Variants in KDM1B observed in about 807,000 individuals in gnomAD.
KDM1B encodes lysine demethylase 1B.
A neutral mutation model predicts 107.4 loss-of-function variants in KDM1B; 63 were observed. The ratio of observed to expected loss-of-function variants is 0.59; its 90% CI spans 0.48 to 0.72. The LOEUF (loss-of-function observed/expected upper bound fraction) is 0.72, where lower values mean the gene tolerates loss of function less well. Among genes scored for constraint, KDM1B ranks in the 30% least tolerant of loss-of-function variants. The pLI, the probability that KDM1B is intolerant of heterozygous loss-of-function variation, is 0.00. For synonymous variants in KDM1B, 363 were observed against 363.9 expected, an observed-to-expected ratio of 1.00 and a Z score of 0.03; for missense variants, 749 against 1,020.8, an observed-to-expected ratio of 0.73 and a Z score of 3.63.
chr6:18,208,111 T>C, intron 16 of KDM1B, 21 bp from the exon 17 acceptor site: 12 of 1,599,424 alleles, frequency 7.5e-6, no homozygotes, highest in Non-Finnish European at 1.0e-5. Flanking sequence ...TCACTTTTTT[T>C]CATAATTGCT....
At chr6:18,157,827 T>G (rs1428748231) in intron 2 of KDM1B, among the ~76,000 whole-genome samples, 1 of 146,452 alleles carries the variant, frequency 6.8e-6, no homozygotes, top group African/African-American at 2.6e-5. Context: ...TTTTTTTTTT[T>G]TTTGAGATGG....
rs756311295 is a variant in KDM1B, at chr6:18,222,165, C to CA, written c.*179dup. On this transcript the variant is annotated 3_prime_UTR_variant, in exon 22 of 22. Coordinates refer to ENST00000650836, the MANE Select transcript of KDM1B (RefSeq NM_001364614.2). ...TTCATCACTCTAAAAGCACTGACCT[C>CA]AAAAAACCTTATAAGCACTTAGATT... 1 of 712,964 alleles carries CA rather than the reference C, an allele frequency of 1.4e-6. No homozygotes were observed. Among genetic ancestry groups the CA allele is most frequent in the Admixed American group, 2.0e-5 (1 of 49,798 alleles). 44.2% of individuals were successfully genotyped at this position (712,964 alleles called of 1,614,324 possible).
chr6:18,165,630 C>T (rs964538000), intron 5 of KDM1B, among the ~76,000 whole-genome samples: 4 of 152,032 alleles, frequency 2.6e-5, no homozygotes, highest in African/African-American at 7.2e-5. Flanking sequence ...CGGGACCAGC[C>T]TGGCCAACAT....
chr6:18,206,581 G>T (rs1400839317), intron 15 of KDM1B, among the ~76,000 whole-genome samples: 1 of 152,060 alleles, frequency 6.6e-6, no homozygotes, highest in Non-Finnish European at 1.5e-5. Flanking sequence ...TCAGATCAGG[G>T]TCTCTTATGT....
intron 10 of KDM1B, among the ~76,000 whole-genome samples, chr6:18,195,238 G>T (rs1054714114): frequency 6.6e-6 from 1 of 152,122 alleles, no homozygotes; most frequent in Non-Finnish European, 1.5e-5. Flanking sequence ...TACTGCTGCT[G>T]TGAACATTTT....
intron 10 of KDM1B, among the ~76,000 whole-genome samples, chr6:18,196,651 A>T (rs971704032): frequency 6.6e-6 from 1 of 152,148 alleles, no homozygotes; most frequent in African/African-American, 2.4e-5. Context: ...AAAAAAATGG[A>T]TGGTGGCATC....
chr6:18,184,273 C>CTTTTTTTTTTT (rs1163110910), intron 7 of KDM1B, among the ~76,000 whole-genome samples: 4 of 116,672 alleles, frequency 3.4e-5, no homozygotes, highest in Admixed American at 9.9e-5. Context: ...GTTCTAGCTT[C>CTTTTTTTTTTT]TTTTTTTTTT....
intron 7 of KDM1B, among the ~76,000 whole-genome samples, chr6:18,179,861 T>C (rs1215192210): frequency 7.7e-5 from 10 of 129,472 alleles, no homozygotes; most frequent in African/African-American, 2.3e-4. Flanking sequence ...TTTTTTTTTT[T>C]TTTTTTTTTT....
chr6:18,166,355 G>A lies in KDM1B; in HGVS notation c.394G>A (p.Ala132Thr). 6.2e-7 allele frequency: 1 copy of A among 1,610,612 alleles called. No homozygotes were observed. The highest frequency in any genetic ancestry group is 8.5e-7 in the Non-Finnish European group (1 of 1,176,792). ...CGAACCTAGTCCCAAAGCTTTCATGGCAGACCAGCAACTCCCCTACTGGGT... is the reference window on the plus strand; with the variant it reads ...CGAACCTAGTCCCAAAGCTTTCATGACAGACCAGCAACTCCCCTACTGGGT... ...KTEPSPKAFM[A>T]DQQLPYWVQC... is the part of the protein sequence containing the mutation. Residue 132 changes from alanine to threonine, a missense_variant, in exon 6 of 22, where the codon GCA becomes ACA. Transcript: ENST00000650836.
In KDM1B at chr6:18,191,026, ATACTT is replaced by A. The variant is rs1459201778; in HGVS notation, c.785-170_785-166del. On this transcript the variant is annotated intron_variant, in intron 9 of 21. Transcript: ENST00000650836. This position sits in a 1 kb window ranked among gnomAD's most constrained non-coding sequence, Gnocchi z 5.1. ...ATAGCATGAAGAAAGAATGAGAAAA[ATACTT>A]AATTTATGTACGTTTTGTCTAACTG... Among the ~76,000 whole-genome samples the A allele has an allele frequency of 6.6e-6, 1 of 152,190 alleles. No homozygotes were observed. Among genetic ancestry groups the A allele is most frequent in the African/African-American group, 2.4e-5 (1 of 41,456 alleles).
rs543176811 is a variant in KDM1B, at chr6:18,172,119, G to A, written c.534+640G>A. On this transcript the variant is annotated intron_variant, in intron 7 of 21. Coordinates refer to ENST00000650836, the MANE Select transcript of KDM1B (RefSeq NM_001364614.2). The surrounding 1 kb of genome is among the most constrained non-coding windows in gnomAD (Gnocchi z 5.2). ...GGATGTTGCAACACTAAACAAAGCC[G>A]GATCCTATTAGTGAGGAAGAAAAGA... 5.9e-5 allele frequency among the ~76,000 whole-genome samples: 9 copies of A among 152,250 alleles called. No individual in the cohort carries two copies. In the East Asian group the frequency reaches 7.7e-4, roughly 13 times the overall value.
chr6:18,205,561 C>T lies in KDM1B; in HGVS notation c.1556C>T (p.Ala519Val). ...LGEKIEEIYK[A>V]FIKESGIQFS... ...GAAAAGATAGAAGAAATCTACAAGG[C>T]ATTTATTAAGGAATCTGGTATCCAA... The change falls in exon 15 of 22, where the codon GCA (alanine) becomes GTA (valine). Residue 519 changes from alanine (A) to valine (V), a missense_variant. Coordinates refer to ENST00000650836, the MANE Select transcript of KDM1B (RefSeq NM_001364614.2). The surrounding 1 kb of genome is among the most constrained non-coding windows in gnomAD (Gnocchi z 5.7). The T allele has an allele frequency of 6.5e-7, 1 of 1,546,880 alleles. No individual in the cohort carries two copies. The highest frequency in any genetic ancestry group is 8.7e-7 in the Non-Finnish European group (1 of 1,144,992).
intron 6 of KDM1B, among the ~76,000 whole-genome samples, chr6:18,166,632 G>A (rs974483544): frequency 3.9e-5 from 6 of 151,964 alleles, no homozygotes; most frequent in African/African-American, 7.2e-5. Context: ...ACTGCTTTGC[G>A]CCCAGCCTGG....
rs1021049497 is a variant in KDM1B at position 18,213,320 on chromosome 6, C to T, written c.1984-336C>T. On this transcript the variant is annotated intron_variant, in intron 18 of 21. Coordinates refer to ENST00000650836, the MANE Select transcript of KDM1B (RefSeq NM_001364614.2). The surrounding 1 kb of genome is among the most constrained non-coding windows in gnomAD (Gnocchi z 5.9). Reference sequence around the variant, plus strand: ...GCGTGGTGGTGTGCACCTGTAATCCCAGCTACTTGGGATGCTGAGGCAGGA... The same window carrying T: ...GCGTGGTGGTGTGCACCTGTAATCCTAGCTACTTGGGATGCTGAGGCAGGA... Among the ~76,000 whole-genome samples, 25 of 151,894 alleles carry T rather than the reference C, an allele frequency of 1.6e-4. No individual in the cohort carries two copies. The highest frequency in any genetic ancestry group is 1.5e-5 in the Non-Finnish European group (1 of 67,986).
chr6:18,158,515 C>T (rs1366737539), intron 2 of KDM1B, among the ~76,000 whole-genome samples: 4 of 152,152 alleles, frequency 2.6e-5, no homozygotes, highest in Non-Finnish European at 5.9e-5. Flanking sequence ...TAAAGCTTTT[C>T]TCCAAGACTA....
intron 8 of KDM1B, among the ~76,000 whole-genome samples, chr6:18,187,394 T>G (rs1489422812): frequency 6.6e-6 from 1 of 152,208 alleles, no homozygotes; most frequent in Non-Finnish European, 1.5e-5. Flanking sequence ...CTTGAGGTCC[T>G]AAGTTAAAGG....
At chr6:18,198,087 G>A (rs11757106) in intron 12 of KDM1B, among the ~76,000 whole-genome samples, 1,664 of 152,036 alleles carry the variant, frequency 0.011, 15 homozygotes, top group Non-Finnish European at 0.016. Flanking sequence ...AGTAGAGTGG[G>A]GTTTCACCGT....
At chr6:18,178,963 A>G (rs1259252388) in intron 7 of KDM1B, among the ~76,000 whole-genome samples, 1 of 152,206 alleles carries the variant, frequency 6.6e-6, no homozygotes, top group African/African-American at 2.4e-5. Context: ...TATAGAAGTG[A>G]TGAGAGCAGA....
rs767313822 is a variant in KDM1B at position 18,171,348 on chromosome 6, A to G, written c.418-15A>G. 7.7e-7 allele frequency: 1 copy of G among 1,298,268 alleles called. No individual in the cohort carries two copies. The highest frequency in any genetic ancestry group is 1.7e-5 in the Admixed American group (1 of 59,688). 80.4% of individuals were successfully genotyped at this position (1,298,268 alleles called of 1,614,324 possible). The stretch of plus-strand genomic sequence containing the variant: ...TAGCTCACTTGTTCATCTTGACTTG[A>G]TACTTCCCATCTAGGTTCAGTGTAC... On this transcript the variant is annotated splice_polypyrimidine_tract_variant and intron_variant, in intron 6 of 21. Coordinates refer to ENST00000650836, the MANE Select transcript of KDM1B (RefSeq NM_001364614.2).
Sources: allele counts gnomAD v4.1 joint callset (sites outside exome capture counted in the v4.1 genomes callset), GRCh38; gene constraint gnomAD v4.1.1; non-coding constraint Gnocchi (gnomAD v3.1); transcripts MANE v1.5; gene names NCBI Gene and HGNC (gene_info 2026-07-23, HGNC 2026-07-21).